The following NBN variants were observed in gnomAD, a reference collection of about 807,000 sequenced individuals.
The protein encoded by NBN is Nijmegen breakage syndrome 1 (nibrin).
Under a neutral mutation model 90.8 loss-of-function variants are expected in NBN, and 88 were observed. That is an observed-to-expected ratio of 0.97 (90% CI 0.82 to 1.16). The LOEUF (loss-of-function observed/expected upper bound fraction) is 1.16. NBN is among the 50% of genes most tolerant of loss of function. NBN has a pLI of 0.00. For missense variants in NBN, 894 were observed against 869.6 expected, an observed-to-expected ratio of 1.03 and a Z score of -0.35; for synonymous variants, 328 against 295.1, an observed-to-expected ratio of 1.11 and a Z score of -1.14.
intron 14 of NBN, among the ~76,000 whole-genome samples, chr8:89,937,887 C>G (rs1809766049): frequency 6.6e-6 from 1 of 152,168 alleles, no homozygotes; most frequent in Non-Finnish European, 1.5e-5. Flanking sequence ...TCCTGTGACC[C>G]TCTATCTGCT....
Position 89,947,882 on chromosome 8 carries a change from T to G in NBN, c.1856A>C (p.Glu619Ala), listed in dbSNP as rs763546746. Residue 619 changes from glutamate (E) to alanine (A), a missense_variant, in exon 12 of 16, where the codon GAA becomes GCA. Transcript: ENST00000265433. ...CTTGAGTTCACGTTTCTTCCCAATT[T>G]CATTTTCTTGCTAAAGAAATAAAAT... The part of the protein sequence containing the change: ...PESSKISQEN[E>A]IGKKRELKED... The G allele has an allele frequency of 3.2e-6, 5 of 1,564,780 alleles. No individual in the cohort carries two copies. The Admixed American group carries it at 8.5e-5, about 27-fold the overall frequency.
In NBN at chr8:89,971,303, T is replaced by C. The variant is rs980972703; in HGVS notation, c.585-13A>G. 1.2e-6 allele frequency: 2 copies of C among 1,600,622 alleles called. No individual in the cohort carries two copies. Among genetic ancestry groups the C allele is most frequent in the Non-Finnish European group, 1.7e-6 (2 of 1,171,264 alleles). On this transcript the variant is annotated splice_polypyrimidine_tract_variant and intron_variant, in intron 5 of 15. Coordinates refer to ENST00000265433, the MANE Select transcript of NBN (RefSeq NM_002485.5). ...AGGTGGGTAAAAACTGTAAAAATAA[T>C]TAAAGTATATTCTAATTATATACTA...
chr8:89,971,257 T>C lies in NBN; in HGVS notation c.618A>G (p.Gly206=), dbSNP rs1554564281. ...FYPPLDEPSI[G]SKNVDLSGRQ... is the part of the protein sequence containing the mutation. ...GTCCTGACAGATCAACATTTTTACTTCCAATAGATGGTTCATCAAGAGGTG... is the reference window on the plus strand; with the variant it reads ...GTCCTGACAGATCAACATTTTTACTCCCAATAGATGGTTCATCAAGAGGTG... Residue 206 remains glycine (G), a synonymous_variant, in exon 6 of 16, where the codon GGA becomes GGG. Coordinates refer to ENST00000265433, the MANE Select transcript of NBN (RefSeq NM_002485.5). 1 of 1,613,122 alleles carries C rather than the reference T, an allele frequency of 6.2e-7. No individual in the cohort carries two copies. Among genetic ancestry groups the C allele is most frequent in the Non-Finnish European group, 8.5e-7 (1 of 1,179,428 alleles).
At position 89,946,218 on chromosome 8, in the gene NBN, A is replaced by G. The variant is rs1810182762; in HGVS notation, c.1992T>C (p.Ile664=). The G allele has an allele frequency of 6.3e-7, 1 of 1,596,372 alleles. No individual in the cohort carries two copies. Among genetic ancestry groups the G allele is most frequent in the Non-Finnish European group, 8.6e-7 (1 of 1,164,216 alleles). The change falls in exon 13 of 16, where the codon ATT becomes ATC. Residue 664 remains isoleucine, a synonymous_variant. Coordinates refer to ENST00000265433, the MANE Select transcript of NBN (RefSeq NM_002485.5). ...ATGGATTTCTGGAAGTAGAGTTTTT[A>G]ATCACCAGTGATCTAAATTCAGTCA... ...LLLTEFRSLV[I]KNSTSRNPSG...
At chr8:89,939,789 C>G (rs566552146) in intron 14 of NBN, among the ~76,000 whole-genome samples, 2 of 152,300 alleles carry the variant, frequency 1.3e-5, no homozygotes, top group East Asian at 3.9e-4. Context: ...GCAGGGCTGA[C>G]ACTGACCAAA....
rs876659367 is a variant in NBN at position 89,953,554 on chromosome 8, T to C, written c.1535A>G (p.Glu512Gly). The C allele has an allele frequency of 6.2e-7, 1 of 1,613,890 alleles. No homozygotes were observed. The highest frequency in any genetic ancestry group is 2.2e-5 in the East Asian group (1 of 44,854). The change falls in exon 11 of 16, where the codon GAG (glutamate) becomes GGG (glycine). Residue 512 changes from glutamate (E) to glycine (G), a missense_variant. Transcript: ENST00000265433. ...ATTGTCTGAGTTTGTGTCCACAGGC[T>C]CATTCTCAGATAGATGCTGCTCCTT... is the stretch of plus-strand genomic sequence containing the variant. ...KNKEQHLSENEPVDTNSDNNL... is the reference protein window; with the variant it reads ...KNKEQHLSENGPVDTNSDNNL...
intron 5 of NBN, among the ~76,000 whole-genome samples, chr8:89,972,251 T>C (rs1158959277): frequency 1.3e-5 from 2 of 152,256 alleles, no homozygotes; most frequent in African/African-American, 4.8e-5. Context: ...TTTCATAAAG[T>C]AAAGCTAAGT....
intron 11 of NBN, among the ~76,000 whole-genome samples, chr8:89,950,277 G>GAGC: frequency 6.6e-6 from 1 of 152,088 alleles, no homozygotes; most frequent in East Asian, 1.9e-4. Flanking sequence ...TCAAGTCCCT[G>GAGC]ATAAAAAAAA....
chr8:89,951,311 C>CAAAAAA (rs71268296), intron 11 of NBN, among the ~76,000 whole-genome samples: 2 of 68,250 alleles, frequency 2.9e-5, no homozygotes, highest in Non-Finnish European at 2.8e-5. Context: ...GACTCTGTCT[C>CAAAAAA]AAAAAAAAAA....
intron 14 of NBN, among the ~76,000 whole-genome samples, chr8:89,942,931 G>A (rs1810014576): frequency 6.6e-6 from 1 of 151,998 alleles, no homozygotes; most frequent in African/African-American, 2.4e-5. Flanking sequence ...ATACATTTAA[G>A]TGATATATTT....
Position 89,953,673 on chromosome 8 carries a change from A to G in NBN, c.1416T>C (p.Asn472=), listed in dbSNP as rs779357587. Residue 472 remains asparagine (N), a synonymous_variant, in exon 11 of 16, where the codon AAT becomes AAC. Transcript: ENST00000265433. ...STKKRERDEE[N]QEMSSCKSAR... is the part of the protein sequence containing the mutation. ...CTGATTTGCATGAAGACATTTCTTGATTTTCTTCATCCCTTTCCCTTAGAT... is the reference window on the plus strand; with the variant it reads ...CTGATTTGCATGAAGACATTTCTTGGTTTTCTTCATCCCTTTCCCTTAGAT... 6.2e-7 allele frequency: 1 copy of G among 1,611,014 alleles called. No individual in the cohort carries two copies. Among genetic ancestry groups the G allele is most frequent in the South Asian group, 1.1e-5 (1 of 90,812 alleles).
At position 89,933,580 on chromosome 8, in the gene NBN, T is replaced by TG. The variant is rs1258485825; in HGVS notation, c.*2001dup. On this transcript the variant is annotated 3_prime_UTR_variant, in exon 16 of 16. Coordinates refer to ENST00000265433, the MANE Select transcript of NBN (RefSeq NM_002485.5). The stretch of plus-strand genomic sequence containing the variant: ...GTGTTACAATGACTGGATACTTGTA[T>TG]GGGGGAAAAAAAGAACCCTGATCCA... The TG allele has an allele frequency of 2.2e-5, 5 of 231,838 alleles. No homozygotes were observed. Among genetic ancestry groups the TG allele is most frequent in the Non-Finnish European group, 4.3e-5 (5 of 117,382 alleles). The allele number at this position is 231,838 out of a possible 1,614,324, so 14.4% of individuals were successfully genotyped here.
At chr8:89,974,220 T>C (rs941491108) in intron 5 of NBN, among the ~76,000 whole-genome samples, 1 of 151,810 alleles carries the variant, frequency 6.6e-6, no homozygotes, top group African/African-American at 2.4e-5. Flanking sequence ...CAGGCATATG[T>C]TCATAATTTC....
Position 89,966,240 on chromosome 8 carries a change from G to C in NBN, c.897-1733C>G, listed in dbSNP as rs76510295. Among the ~76,000 whole-genome samples, 738 of 152,214 alleles carry C rather than the reference G, an allele frequency of 4.8e-3. 11 individuals carry two copies. Among genetic ancestry groups the C allele is most frequent in the Middle Eastern group, 0.017 (5 of 294 alleles). On this transcript the variant is annotated intron_variant, in intron 7 of 15. Transcript: ENST00000265433. ...TGGAACAAAGAGACAGAAAAAAGAG[G>C]TATCAGAGAAATAACGATTACAAAG...
chr8:89,935,525 G>A lies in NBN; in HGVS notation c.*57C>T, dbSNP rs559362302. Reference sequence around the variant, plus strand: ...ACTATATATTCATATAACCTTGTTGGCCTGAAGTAGATGCTTACTAGGAAG... The same window carrying A: ...ACTATATATTCATATAACCTTGTTGACCTGAAGTAGATGCTTACTAGGAAG... On this transcript the variant is annotated 3_prime_UTR_variant, in exon 16 of 16. Coordinates refer to ENST00000265433, the MANE Select transcript of NBN (RefSeq NM_002485.5). 6.2e-7 allele frequency: 1 copy of A among 1,602,578 alleles called. No individual in the cohort carries two copies. Among genetic ancestry groups the A allele is most frequent in the East Asian group, 2.2e-5 (1 of 44,570 alleles).
chr8:89,935,139 A>G lies in NBN; in HGVS notation c.*443T>C, dbSNP rs536082052. ...AAAAAAGCAAGGTGTAGAACACTGC[A>G]TATGTTATGCTATCATTTGTGTAGG... On this transcript the variant is annotated 3_prime_UTR_variant, in exon 16 of 16. Transcript: ENST00000265433. 54 of 255,570 alleles carry G rather than the reference A, an allele frequency of 2.1e-4. No homozygotes were observed. The South Asian group carries it at 3.8e-3, about 18-fold the overall frequency. 15.8% of individuals were successfully genotyped at this position (255,570 alleles called of 1,614,324 possible).
chr8:89,980,933 A>C (rs1175502607), intron 3 of NBN, 40 bp from the exon 4 acceptor site: 1 of 1,588,930 alleles, frequency 6.3e-7, no homozygotes, highest in South Asian at 1.1e-5. Context: ...ATAGTATCAG[A>C]GTTGCAGAGA....
At chr8:89,968,239 G>A (rs1290929320) in intron 7 of NBN, among the ~76,000 whole-genome samples, 1 of 151,988 alleles carries the variant, frequency 6.6e-6, no homozygotes, top group Non-Finnish European at 1.5e-5. Flanking sequence ...AGCCTGGAGT[G>A]AAACCATGTC....
At chr8:89,963,066 T>C (rs987514703) in intron 8 of NBN, among the ~76,000 whole-genome samples, 1 of 152,268 alleles carries the variant, frequency 6.6e-6, no homozygotes, top group East Asian at 1.9e-4. Context: ...GTTTTGCAGA[T>C]TAAAGTTTGA....
Sources: gnomAD v4.1 joint callset for allele counts (sites outside exome capture counted in the v4.1 genomes callset) on GRCh38, gnomAD v4.1.1 for gene constraint, MANE v1.5 for transcripts, NCBI Gene and HGNC (gene_info 2026-07-23, HGNC 2026-07-21) for gene names.